Variants in PCDHGB2 observed in about 807,000 individuals in gnomAD.
PCDHGB2 encodes the protein protocadherin gamma subfamily B, 2.
PCDHGB2 carries 55 observed loss-of-function variants against 59.3 expected under a neutral mutation model. The ratio of observed to expected loss-of-function variants is 0.93; its 90% CI spans 0.75 to 1.16. PCDHGB2 has a LOEUF of 1.16. Ranked by LOEUF, PCDHGB2 falls within the 50% of genes most tolerant of loss-of-function variation. PCDHGB2 has a pLI of 0.00. For missense variants in PCDHGB2, 1,228 were observed against 1,198.5 expected (o/e 1.02, Z -0.36); for synonymous variants, 516 against 512.0 (o/e 1.01, Z -0.11).
intron 1 of PCDHGB2, chr5:141,370,391 C>A (rs1766857480): frequency 1.9e-6 from 3 of 1,542,934 alleles, no homozygotes; most frequent in African/African-American, 1.4e-5. Context: ...GCGCAGAGAG[C>A]GGGATGGGAA....
chr5:141,388,871 C>G, intron 1 of PCDHGB2: 1 of 1,613,930 alleles, frequency 6.2e-7, no homozygotes, highest in Non-Finnish European at 8.5e-7. Flanking sequence ...TTGCGCAATG[C>G]ACAGTGGAGG....
chr5:141,499,551 A>T (rs1178321389), intron 2 of PCDHGB2, among the ~76,000 whole-genome samples: 1 of 152,200 alleles, frequency 6.6e-6, no homozygotes, highest in Non-Finnish European at 1.5e-5. Flanking sequence ...AACCTGTATG[A>T]TACCACTATC....
At chr5:141,370,318 C>G (rs1295080631) in intron 1 of PCDHGB2, 15 of 1,325,178 alleles carry the variant, frequency 1.1e-5, no homozygotes, top group African/African-American at 1.5e-5. Flanking sequence ...AATAGTTGGT[C>G]CTGCTCGGAG....
rs1410419839 is a variant in PCDHGB2 at position 141,429,391 on chromosome 5, A to ATTTT, written c.2422-65416_2422-65415insTTTT. Among the ~76,000 whole-genome samples, 380 of 151,312 alleles carry ATTTT rather than the reference A, an allele frequency of 2.5e-3. 1 individual carries two copies. The highest frequency in any genetic ancestry group is 4.2e-3 in the South Asian group (20 of 4,768). On this transcript the variant is annotated intron_variant, in intron 1 of 3. Coordinates refer to ENST00000522605, the MANE Select transcript of PCDHGB2 (RefSeq NM_018923.3). The stretch of plus-strand genomic sequence containing the variant: ...GGAGAAAATGTGTTTTTTTTTTAAA[A>ATTTT]AAAATTGAGATTAAGGTCTCATTAT...
At chr5:141,399,494 G>T in intron 1 of PCDHGB2, 1 of 1,614,032 alleles carries the variant, frequency 6.2e-7, no homozygotes, top group Non-Finnish European at 8.5e-7. Flanking sequence ...TACTTAGTCA[G>T]TGTACCCGAA....
intron 1 of PCDHGB2, chr5:141,422,068 T>C (rs1340696188): frequency 2.5e-6 from 4 of 1,612,076 alleles, no homozygotes; most frequent in Non-Finnish European, 3.4e-6. Flanking sequence ...AGTAATGTAT[T>C]CATTTCGGAA....
chr5:141,438,627 TATATATATACACAC>T (rs1407400493), intron 1 of PCDHGB2, among the ~76,000 whole-genome samples: 2,053 of 47,724 alleles, frequency 0.043, 22 homozygotes, highest in African/African-American at 0.13. Context: ...TATATATATA[TATATATATACACAC>T]ACACACACAC....
chr5:141,489,084 C>G lies in PCDHGB2; in HGVS notation c.2422-5723C>G. ...CTCCCCCCTGCCCACCCCCGCCACT[C>G]GGTGACTAAGAACTGCTGCAAGCAG... On this transcript the variant is annotated intron_variant, in intron 1 of 3. Transcript: ENST00000522605. This position sits in a 1 kb window ranked among gnomAD's most constrained non-coding sequence, Gnocchi z 4.5. 6.1e-6 allele frequency: 2 copies of G among 329,126 alleles called. No homozygotes were observed. The highest frequency in any genetic ancestry group is 2.5e-5 in the African/African-American group (1 of 40,384). 20.4% of individuals were successfully genotyped at this position (329,126 alleles called of 1,614,324 possible). A position where few individuals can be genotyped will look rare whatever the true frequency, so the allele number is the denominator to read the frequency against.
intron 1 of PCDHGB2, chr5:141,433,126 G>A (rs1390613447): frequency 1.9e-6 from 3 of 1,614,120 alleles, no homozygotes; most frequent in Middle Eastern, 1.7e-4. Flanking sequence ...AAAAAAGCGA[G>A]CCCCTTTTGC....
At chr5:141,399,625 T>C (rs1270466401) in intron 1 of PCDHGB2, 9 of 1,613,796 alleles carry the variant, frequency 5.6e-6, no homozygotes, top group African/African-American at 1.3e-5. Context: ...ACTGGCCTCT[T>C]ACGTGTCCAT....
intron 1 of PCDHGB2, chr5:141,365,372 A>T (rs1763874663): frequency 6.2e-7 from 1 of 1,613,798 alleles, no homozygotes; most frequent in African/African-American, 1.3e-5. Flanking sequence ...CCCCGAAGTG[A>T]TCCTCACCTC....
chr5:141,389,618 C>T (rs1224398489), intron 1 of PCDHGB2: 46 of 1,612,930 alleles, frequency 2.9e-5, no homozygotes, highest in Middle Eastern at 1.7e-4. Flanking sequence ...TGGTGCCGCA[C>T]GCTGCAGAGC....
At chr5:141,443,055 C>G (rs994152277) in intron 1 of PCDHGB2, among the ~76,000 whole-genome samples, 1 of 152,208 alleles carries the variant, frequency 6.6e-6, no homozygotes, top group Non-Finnish European at 1.5e-5. Flanking sequence ...TATTGTTCCA[C>G]TGAAGAGCGT....
intron 1 of PCDHGB2, chr5:141,395,325 G>T (rs1261775810): frequency 6.8e-7 from 1 of 1,473,892 alleles, no homozygotes; most frequent in Admixed American, 2.5e-5. Context: ...GAAGATAGTT[G>T]AAAATAATTT....
At position 141,389,670 on chromosome 5, in the gene PCDHGB2, T is replaced by A. The variant is rs2091868205; in HGVS notation, c.2421+27114T>A. 3 of 1,612,454 alleles carry A rather than the reference T, an allele frequency of 1.9e-6. No homozygotes were observed. The East Asian group carries it at 6.7e-5, about 36-fold the overall frequency. On this transcript the variant is annotated intron_variant, in intron 1 of 3. Transcript: ENST00000522605. The stretch of plus-strand genomic sequence containing the variant: ...CAAGGTAGTGGCGGTGGACGCAGAC[T>A]CAGGACACAACGCCTGGCTGTCCTA...
chr5:141,484,375 G>C (rs188702244), intron 1 of PCDHGB2, among the ~76,000 whole-genome samples: 2 of 152,258 alleles, frequency 1.3e-5, no homozygotes, highest in African/African-American at 4.8e-5. Flanking sequence ...ACTAGCAAAT[G>C]TCTGAATAAG....
chr5:141,500,184 T>TTTTATTTATTTATTTATTTA (rs58019021), intron 2 of PCDHGB2, among the ~76,000 whole-genome samples: 1 of 135,886 alleles, frequency 7.4e-6, no homozygotes, highest in African/African-American at 2.7e-5. Flanking sequence ...TCATTTTTAT[T>TTTTATTTATTTATTTATTTA]TTTATTTATT....
At chr5:141,427,934 G>A (rs746648152) in intron 1 of PCDHGB2, 42 of 1,584,338 alleles carry the variant, frequency 2.7e-5, no homozygotes, top group Non-Finnish European at 3.6e-5. Context: ...GCATGTTGGT[G>A]GGCGACCTCA....
At chr5:141,425,018 T>C (rs2096853023) in intron 1 of PCDHGB2, among the ~76,000 whole-genome samples, 1 of 152,224 alleles carries the variant, frequency 6.6e-6, no homozygotes, top group Non-Finnish European at 1.5e-5. Context: ...TTTAGGAATT[T>C]ACCTTATGTC....
Sources: gnomAD v4.1 joint callset for allele counts (sites outside exome capture counted in the v4.1 genomes callset) on GRCh38, gnomAD v4.1.1 for gene constraint, Gnocchi (gnomAD v3.1) non-coding constraint, MANE v1.5 for transcripts, NCBI Gene and HGNC (gene_info 2026-07-23, HGNC 2026-07-21) for gene names.